The following PKD1L1 variants were observed in gnomAD, a reference collection of about 807,000 sequenced individuals.
PKD1L1 encodes the protein polycystin 1 like 1, transient receptor potential channel interacting.
Under a neutral mutation model 323.4 loss-of-function variants are expected in PKD1L1, and 236 were observed. The observed-to-expected ratio is 0.73, with a 90% confidence interval of 0.66 to 0.81. The LOEUF (loss-of-function observed/expected upper bound fraction) is 0.81. PKD1L1 is among the 40% of genes least tolerant of loss of function. PKD1L1 has a pLI of 0.00. For synonymous variants in PKD1L1, 1,344 were observed against 1,335.0 expected (o/e 1.01, Z -0.15); for missense variants, 3,320 against 3,508.0 (o/e 0.95, Z 1.35).
In PKD1L1 at chr7:47,839,727, C is replaced by A; in HGVS notation, c.5553-65G>T. On this transcript the variant is annotated intron_variant, in intron 35 of 56. Transcript: ENST00000289672. The surrounding 1 kb of genome is among the most constrained non-coding windows in gnomAD (Gnocchi z 4.3). Reference sequence around the variant, plus strand: ...CAGTGTGGTCCTGGCATCCCATCAGCCCCAATGCTCACCCTCAAGGCACTG... The same window carrying A: ...CAGTGTGGTCCTGGCATCCCATCAGACCCAATGCTCACCCTCAAGGCACTG... The A allele has an allele frequency of 1.4e-6, 2 of 1,450,228 alleles. No homozygotes were observed. The highest frequency in any genetic ancestry group is 1.9e-6 in the Non-Finnish European group (2 of 1,064,424). 89.8% of individuals were successfully genotyped at this position (1,450,228 alleles called of 1,614,324 possible). A position where few individuals can be genotyped will look rare whatever the true frequency, so the allele number is the denominator to read the frequency against.
intron 8 of PKD1L1, among the ~76,000 whole-genome samples, chr7:47,914,816 C>A (rs1233089916): frequency 6.6e-6 from 1 of 151,812 alleles, no homozygotes; most frequent in African/African-American, 2.4e-5. Context: ...TTATGAGGAC[C>A]ACGGAAAAGG....
rs1210006511 is a variant in PKD1L1 at position 47,894,052 on chromosome 7, A to G, written c.2279T>C (p.Ile760Thr). ...GNYTALAKVQ[I>T]EGSVVYSNYC... ...GTTGCTGTACACCACACTGCCTTCA[A>G]TCTGAACCTGCAGGGGCAAGGAAGG... The change falls in exon 15 of 57, where the codon ATT becomes ACT. Residue 760 changes from isoleucine to threonine, a missense_variant. Coordinates refer to ENST00000289672, the MANE Select transcript of PKD1L1 (RefSeq NM_138295.5). The G allele has an allele frequency of 2.6e-6, 4 of 1,560,888 alleles. No homozygotes were observed. Among genetic ancestry groups the G allele is most frequent in the Admixed American group, 3.7e-5 (2 of 53,448 alleles).
At position 47,890,589 on chromosome 7, in the gene PKD1L1, A is replaced by C; in HGVS notation, c.2628T>G (p.Ser876=). Residue 876 remains serine (S), a synonymous_variant, in exon 16 of 57, where the codon TCT becomes TCG. Coordinates refer to ENST00000289672, the MANE Select transcript of PKD1L1 (RefSeq NM_138295.5). ...MLRVSSGGRN[S]SETRVFLSPY... ...GGGACAGGAACACCCGGGTCTCAGAAGAGTTCCGGCCACCACTGGAGACCC... is the reference window on the plus strand; with the variant it reads ...GGGACAGGAACACCCGGGTCTCAGACGAGTTCCGGCCACCACTGGAGACCC... 6.2e-7 allele frequency: 1 copy of C among 1,614,162 alleles called. No individual in the cohort carries two copies. Among genetic ancestry groups the C allele is most frequent in the South Asian group, 1.1e-5 (1 of 91,082 alleles).
intron 15 of PKD1L1, among the ~76,000 whole-genome samples, chr7:47,891,550 A>ATT (rs1468176518): frequency 6.6e-6 from 1 of 152,218 alleles, no homozygotes; most frequent in African/African-American, 2.4e-5. Flanking sequence ...TTTAAAGAGC[A>ATT]TTTCTCTGTC....
chr7:47,807,061 C>A (rs1295977409), intron 52 of PKD1L1, among the ~76,000 whole-genome samples: 3 of 152,136 alleles, frequency 2.0e-5, no homozygotes, highest in Non-Finnish European at 4.4e-5. Flanking sequence ...GAGGTGGGGG[C>A]ACTGGCTCAC....
At chr7:47,856,239 A>G (rs142843720) in intron 28 of PKD1L1, among the ~76,000 whole-genome samples, 1 of 152,192 alleles carries the variant, frequency 6.6e-6, no homozygotes, top group Admixed American at 6.5e-5. Context: ...GTGTTTCACC[A>G]TGTTGGTCAG....
At position 47,855,154 on chromosome 7, in the gene PKD1L1, C is replaced by T; in HGVS notation, c.4701+1G>A. The T allele has an allele frequency of 6.2e-7, 1 of 1,613,794 alleles. No individual in the cohort carries two copies. Among genetic ancestry groups the T allele is most frequent in the Non-Finnish European group, 8.5e-7 (1 of 1,179,702 alleles). ...GAGATACTGAGAAAGGCTCTCCTTA[C>T]CAGGCCATCCTCCTCCCCAAACTCG... On this transcript the variant is annotated splice_donor_variant, in intron 29 of 56. Transcript: ENST00000289672. LOFTEE classifies it high-confidence loss of function.
intron 28 of PKD1L1, among the ~76,000 whole-genome samples, chr7:47,856,074 G>C (rs981807777): frequency 6.6e-6 from 1 of 151,816 alleles, no homozygotes; most frequent in Non-Finnish European, 1.5e-5. Flanking sequence ...GTCTTGCTCT[G>C]TCGCCCAGGC....
chr7:47,925,278 G>A (rs906013024), intron 7 of PKD1L1, among the ~76,000 whole-genome samples: 5 of 152,192 alleles, frequency 3.3e-5, no homozygotes, highest in African/African-American at 1.2e-4. Context: ...GGGAGGCTGA[G>A]GCTGTAGGAA....
chr7:47,827,850 A>G (rs1785268382), intron 44 of PKD1L1, among the ~76,000 whole-genome samples: 1 of 152,196 alleles, frequency 6.6e-6, no homozygotes, highest in South Asian at 2.1e-4. Flanking sequence ...ATTTTAAAGT[A>G]TAGTCTTAGC....
At chr7:47,797,001 A>C (rs1319214468) in intron 54 of PKD1L1, among the ~76,000 whole-genome samples, 9 of 7,282 alleles carry the variant, frequency 1.2e-3, no homozygotes, top group Non-Finnish European at 2.4e-3. Context: ...CTCCGTCTCA[A>C]AAAAAAAAAA....
At chr7:47,960,404 A>AAAAAAAAAAAAAAAAAAACT in the PKD1L1 span, among the ~76,000 whole-genome samples, 2 of 147,070 alleles carry the variant, frequency 1.4e-5, no homozygotes, top group African/African-American at 2.5e-5. Flanking sequence ...ACTGTAAAAA[A>AAAAAAAAAAAAAAAAAAACT]GAAAAAAAAA....
At chr7:47,785,598 C>T (rs1760272182) in intron 56 of PKD1L1, among the ~76,000 whole-genome samples, 1 of 152,144 alleles carries the variant, frequency 6.6e-6, no homozygotes, top group African/African-American at 2.4e-5. Context: ...CGCTTTCCTA[C>T]AGTCACCCAG....
chr7:47,924,275 T>C (rs1787614982), intron 7 of PKD1L1, among the ~76,000 whole-genome samples: 1 of 152,210 alleles, frequency 6.6e-6, no homozygotes, highest in Non-Finnish European at 1.5e-5. Flanking sequence ...GATGATTGGC[T>C]GAACAATTGG....
chr7:47,928,556 C>T (rs904192622), intron 7 of PKD1L1, among the ~76,000 whole-genome samples: 1 of 151,702 alleles, frequency 6.6e-6, no homozygotes, highest in African/African-American at 2.4e-5. Flanking sequence ...GGCAACAGAA[C>T]AAGATTCTGT....
intron 1 of PKD1L1, among the ~76,000 whole-genome samples, chr7:47,947,387 G>T (rs917380780): frequency 6.6e-6 from 1 of 152,234 alleles, no homozygotes; most frequent in South Asian, 2.1e-4. Context: ...GAAATCTGGG[G>T]GTGAGGAGGT....
At chr7:47,906,736 G>A (rs1053067405) in intron 9 of PKD1L1, among the ~76,000 whole-genome samples, 1 of 152,056 alleles carries the variant, frequency 6.6e-6, no homozygotes, top group African/African-American at 2.4e-5. Context: ...TTATAACAGA[G>A]ATAAAGCAGA....
At chr7:47,826,753 T>A (rs987038661) in intron 45 of PKD1L1, among the ~76,000 whole-genome samples, 1 of 152,152 alleles carries the variant, frequency 6.6e-6, no homozygotes, top group Non-Finnish European at 1.5e-5. Flanking sequence ...AGAAATGTGT[T>A]GGAGGTAGAA....
chr7:47,832,525 G>A (rs564256018), intron 41 of PKD1L1, among the ~76,000 whole-genome samples: 1 of 152,324 alleles, frequency 6.6e-6, no homozygotes, highest in East Asian at 1.9e-4. Flanking sequence ...CCTGAATCCA[G>A]CACACAAGGA....
Sources: gnomAD v4.1 joint callset for allele counts (sites outside exome capture counted in the v4.1 genomes callset) on GRCh38, gnomAD v4.1.1 for gene constraint, Gnocchi (gnomAD v3.1) non-coding constraint, MANE v1.5 for transcripts, NCBI Gene and HGNC (gene_info 2026-07-23, HGNC 2026-07-21) for gene names.